Variants in DENND6A observed in about 807,000 individuals in gnomAD.
DENND6A encodes the protein protein DENND6A.
In DENND6A, 43 loss-of-function variants were observed where a neutral mutation model predicts 95.5. That is an observed-to-expected ratio of 0.45 (90% CI 0.35 to 0.58). DENND6A has a LOEUF of 0.58. Among genes scored for constraint, DENND6A ranks in the 20% least tolerant of loss-of-function variants. The pLI, the probability that DENND6A is intolerant of heterozygous loss-of-function variation, is 0.00. For missense variants in DENND6A, 574 were observed against 736.0 expected (o/e 0.78, Z 2.55); for synonymous variants, 257 against 260.4 (o/e 0.99, Z 0.13).
chr3:57,632,525 T>C (rs1423957432), intron 15 of DENND6A, among the ~76,000 whole-genome samples: 3 of 152,132 alleles, frequency 2.0e-5, no homozygotes, highest in Non-Finnish European at 2.9e-5. Flanking sequence ...TTCAAACAAA[T>C]AGATTTAATG....
At chr3:57,647,404 A>G (rs2153414032) in intron 9 of DENND6A, among the ~76,000 whole-genome samples, 1 of 152,286 alleles carries the variant, frequency 6.6e-6, no homozygotes, top group Middle Eastern at 3.4e-3. Context: ...GCCATGAGGG[A>G]AAGAGAGCCG....
intron 1 of DENND6A, among the ~76,000 whole-genome samples, chr3:57,675,689 A>T (rs1194535836): frequency 6.6e-6 from 1 of 152,190 alleles, no homozygotes; most frequent in Non-Finnish European, 1.5e-5. Context: ...CAGCAGAACA[A>T]ACAATAGTAA....
At chr3:57,628,419 AC>A (rs2070582092) in intron 19 of DENND6A, 74 bp from the exon 20 acceptor site, 1 of 1,522,104 alleles carries the variant, frequency 6.6e-7, no homozygotes, top group South Asian at 1.3e-5. Context: ...CTCTAAATAA[AC>A]CATTTTAAAG....
intron 12 of DENND6A, among the ~76,000 whole-genome samples, chr3:57,637,614 T>C (rs2070823777): frequency 6.6e-6 from 1 of 151,986 alleles, no homozygotes; most frequent in Admixed American, 6.6e-5. Flanking sequence ...GCACAACTTG[T>C]GCAGCATTTG....
chr3:57,628,497 CTATT>C, intron 19 of DENND6A, 152 bp from the exon 20 acceptor site: 1 of 1,130,892 alleles, frequency 8.8e-7, no homozygotes, highest in Non-Finnish European at 1.2e-6. Flanking sequence ...AAGGAGCATT[CTATT>C]TAAACAATTC....
At chr3:57,683,483 C>A (rs758880458) in intron 1 of DENND6A, among the ~76,000 whole-genome samples, 3 of 152,128 alleles carry the variant, frequency 2.0e-5, no homozygotes, top group African/African-American at 7.2e-5. Context: ...ATAGGTCACG[C>A]TGGTCTTTTG....
chr3:57,663,311 A>C (rs533177265), intron 5 of DENND6A, among the ~76,000 whole-genome samples: 1 of 151,116 alleles, frequency 6.6e-6, no homozygotes, highest in African/African-American at 2.4e-5. Context: ...CTAAAAATAC[A>C]AAAAATTAGC....
At chr3:57,662,185 C>CTTTTTTTTTTTTTTT (rs60063768) in intron 5 of DENND6A, among the ~76,000 whole-genome samples, 40 of 79,134 alleles carry the variant, frequency 5.1e-4, no homozygotes, top group South Asian at 1.1e-3. Flanking sequence ...TTTCTTTTTT[C>CTTTTTTTTTTTTTTT]TTTTTTTTTT....
At chr3:57,665,113 G>A (rs1270010805) in intron 4 of DENND6A, among the ~76,000 whole-genome samples, 2 of 144,174 alleles carry the variant, frequency 1.4e-5, no homozygotes. Context: ...CACATATATG[G>A]CACACATAGA....
intron 3 of DENND6A, among the ~76,000 whole-genome samples, chr3:57,670,019 CAAAAAAAA>C (rs780880587): frequency 3.5e-5 from 2 of 57,778 alleles, no homozygotes; most frequent in Non-Finnish European, 6.6e-5. Context: ...AACTCCATCT[CAAAAAAAA>C]AAAAAAAAAA....
At chr3:57,688,709 C>T (rs1309876046) in intron 1 of DENND6A, among the ~76,000 whole-genome samples, 1 of 151,862 alleles carries the variant, frequency 6.6e-6, no homozygotes, top group Non-Finnish European at 1.5e-5. Flanking sequence ...GCTCCAGAGA[C>T]AAAGGCCTGG....
chr3:57,634,572 T>C lies in DENND6A; in HGVS notation c.1249A>G (p.Lys417Glu). ...CAACTAATTACCTTCTGTAATTGTT[T>C]TATGATCTCTTCATCTCTATTTAAA... ...PYLNRDEEII[K>E]QLQKGVQQKR... is the part of the protein sequence containing the mutation. The change falls in exon 14 of 20, where the codon AAA (lysine) becomes GAA (glutamate). Residue 417 changes from lysine to glutamate, a missense_variant. Physicochemically the swap from Lys to Glu is moderately conservative, Grantham distance 56. Transcript: ENST00000311128. The C allele has an allele frequency of 7.1e-7, 1 of 1,399,696 alleles. No homozygotes were observed. The highest frequency in any genetic ancestry group is 9.5e-7 in the Non-Finnish European group (1 of 1,047,802). 86.7% of individuals were successfully genotyped at this position (1,399,696 alleles called of 1,614,324 possible). A position where few individuals can be genotyped will look rare whatever the true frequency, so the allele number is the denominator to read the frequency against.
chr3:57,628,127 C>T lies in DENND6A; in HGVS notation c.*87G>A. On this transcript the variant is annotated 3_prime_UTR_variant, in exon 20 of 20. Coordinates refer to ENST00000311128, the MANE Select transcript of DENND6A (RefSeq NM_152678.3). The stretch of plus-strand genomic sequence containing the variant: ...ATGGCAATTTTCCACTCCGCTGCCA[C>T]TGAGAGATCTCCTTTGTGCGTCTGG... 2 of 1,532,332 alleles carry T rather than the reference C, an allele frequency of 1.3e-6. No homozygotes were observed. Among genetic ancestry groups the T allele is most frequent in the East Asian group, 2.3e-5 (1 of 43,994 alleles). The allele number at this position is 1,532,332 out of a possible 1,614,324, so 94.9% of individuals were successfully genotyped here. A position where few individuals can be genotyped will look rare whatever the true frequency, so the allele number is the denominator to read the frequency against.
intron 10 of DENND6A, 89 bp downstream of exon 10, chr3:57,646,227 C>G: frequency 6.7e-7 from 1 of 1,499,530 alleles, no homozygotes; most frequent in Non-Finnish European, 8.9e-7. Context: ...AAAAATACGA[C>G]AGGTGGGAAG....
intron 9 of DENND6A, among the ~76,000 whole-genome samples, chr3:57,650,784 A>AT (rs2071192152): frequency 2.6e-5 from 2 of 77,788 alleles, no homozygotes; most frequent in East Asian, 6.6e-4. Flanking sequence ...ATCCACATGG[A>AT]ATTTTTTTTT....
chr3:57,649,553 C>T (rs2153414246), intron 9 of DENND6A, among the ~76,000 whole-genome samples: 1 of 150,358 alleles, frequency 6.7e-6, no homozygotes, highest in African/African-American at 2.4e-5. Context: ...AAGATTCTTG[C>T]ACATGCATGT....
chr3:57,651,613 A>T (rs2071211074), intron 9 of DENND6A, among the ~76,000 whole-genome samples: 1 of 152,188 alleles, frequency 6.6e-6, no homozygotes, highest in Non-Finnish European at 1.5e-5. Context: ...TGAATATATT[A>T]AAAAACTAGT....
intron 4 of DENND6A, among the ~76,000 whole-genome samples, chr3:57,665,732 TAACTAA>T: frequency 1.3e-5 from 2 of 152,194 alleles, no homozygotes; most frequent in Non-Finnish European, 2.9e-5. Context: ...AAATAAATAA[TAACTAA>T]AACAAGGCTC....
At chr3:57,683,124 A>G (rs1313927748) in intron 1 of DENND6A, among the ~76,000 whole-genome samples, 1 of 152,160 alleles carries the variant, frequency 6.6e-6, no homozygotes, top group African/African-American at 2.4e-5. Context: ...CTCCTATTAT[A>G]ATAGGTACCA....
Sources: gnomAD v4.1 joint callset for allele counts (sites outside exome capture counted in the v4.1 genomes callset) on GRCh38, gnomAD v4.1.1 for gene constraint, MANE v1.5 for transcripts, NCBI Gene and HGNC (gene_info 2026-07-23, HGNC 2026-07-21) for gene names.